FMO3: variants seen among roughly 807,000 people sequenced by gnomAD.
FMO3 encodes flavin-containing monooxygenase 3.
In FMO3, 40 loss-of-function variants were observed where a neutral mutation model predicts 39.4. The ratio of observed to expected loss-of-function variants is 1.02; its 90% CI spans 0.79 to 1.32. FMO3 has a LOEUF of 1.32. FMO3 is among the 40% of genes most tolerant of loss of function. The pLI, the probability that FMO3 is intolerant of heterozygous loss-of-function variation, is 0.00. For synonymous variants in FMO3, 219 were observed against 228.8 expected (o/e 0.96, Z 0.39); for missense variants, 680 against 651.8 (o/e 1.04, Z -0.47).
At chr1:171,100,686 TG>T (rs1284073701) in intron 2 of FMO3, 1 of 163,714 alleles carries the variant, frequency 6.1e-6, no homozygotes, top group Non-Finnish European at 1.4e-5. Context: ...CATGCTGCTA[TG>T]GGTTGAGACT....
At chr1:171,107,518 T>G (rs1374106688) in intron 3 of FMO3, among the ~76,000 whole-genome samples, 157 bp from the exon 4 acceptor site, 2 of 152,194 alleles carry the variant, frequency 1.3e-5, no homozygotes, top group African/African-American at 4.8e-5. Context: ...ACAGATACCA[T>G]TTAGTGTTTT....
chr1:171,099,507 C>A (rs904963472), intron 2 of FMO3, among the ~76,000 whole-genome samples: 3 of 151,996 alleles, frequency 2.0e-5, no homozygotes, highest in African/African-American at 7.2e-5. Context: ...TTTTATCAAG[C>A]ACTTTCTATA....
intron 1 of FMO3, 129 bp from the exon 2 acceptor site, chr1:171,092,524 C>A: frequency 9.3e-7 from 1 of 1,070,976 alleles, no homozygotes; most frequent in African/African-American, 1.6e-5. Context: ...AGCTACCATA[C>A]TCAGCCAGTG....
chr1:171,111,768 G>A (rs906848290), intron 6 of FMO3, among the ~76,000 whole-genome samples: 8 of 152,116 alleles, frequency 5.3e-5, no homozygotes, highest in South Asian at 2.1e-4. Flanking sequence ...TTTATTACAC[G>A]TTTATTATAT....
At chr1:171,114,479 A>G (rs912763847) in intron 7 of FMO3, 117 bp downstream of exon 7, 44 of 772,574 alleles carry the variant, frequency 5.7e-5, no homozygotes, top group Middle Eastern at 3.4e-4. Context: ...GAAAATTTAT[A>G]ATTCTATATT....
chr1:171,102,996 A>AT (rs1220114476), intron 2 of FMO3, among the ~76,000 whole-genome samples: 5 of 152,168 alleles, frequency 3.3e-5, no homozygotes, highest in Non-Finnish European at 4.4e-5. Flanking sequence ...TCTAAGGTTA[A>AT]TTTTTTAAAA....
rs575295688 is a variant in FMO3 at position 171,103,757 on chromosome 1, G to C, written c.133-28G>C. 2.9e-5 allele frequency: 45 copies of C among 1,571,334 alleles called. 1 individual carries two copies. The Middle Eastern group carries it at 2.3e-3, about 82-fold the overall frequency. On this transcript the variant is annotated intron_variant, in intron 2 of 8. Transcript: ENST00000367755. Reference sequence around the variant, plus strand: ...GATCAGTATACTCATTTACCAATTCGCTTCCATTTGATACTATACATTCAC... The same window carrying C: ...GATCAGTATACTCATTTACCAATTCCCTTCCATTTGATACTATACATTCAC...
At chr1:171,093,914 A>G (rs1295376626) in intron 2 of FMO3, among the ~76,000 whole-genome samples, 1 of 134,578 alleles carries the variant, frequency 7.4e-6, no homozygotes, top group Non-Finnish European at 1.5e-5. Flanking sequence ...AGTTCACTGC[A>G]GCCTCCACCT....
chr1:171,112,496 G>A (rs183238447), intron 6 of FMO3, among the ~76,000 whole-genome samples: 19 of 152,234 alleles, frequency 1.2e-4, no homozygotes, highest in Admixed American at 9.2e-4. Flanking sequence ...CTTGAAGGTC[G>A]ACCCAAATAG....
At chr1:171,099,494 C>T (rs138641643) in intron 2 of FMO3, among the ~76,000 whole-genome samples, 253 of 152,102 alleles carry the variant, frequency 1.7e-3, no homozygotes, top group African/African-American at 5.5e-3. Context: ...AAACTTAGGG[C>T]TATTTTATCA....
chr1:171,106,754 G>C (rs1655655773), intron 3 of FMO3, among the ~76,000 whole-genome samples: 1 of 152,048 alleles, frequency 6.6e-6, no homozygotes, highest in South Asian at 2.1e-4. Flanking sequence ...AATATAAAAA[G>C]AGTTAGGCAA....
chr1:171,115,290 G>A (rs772608439), intron 7 of FMO3, among the ~76,000 whole-genome samples: 1 of 152,084 alleles, frequency 6.6e-6, no homozygotes, highest in Non-Finnish European at 1.5e-5. Context: ...TGAGACACAA[G>A]GCAAACAACC....
At chr1:171,094,634 G>A (rs1041842986) in intron 2 of FMO3, among the ~76,000 whole-genome samples, 1 of 151,956 alleles carries the variant, frequency 6.6e-6, no homozygotes, top group Non-Finnish European at 1.5e-5. Flanking sequence ...GAGAGATAGG[G>A]GTCCACTTTC....
intron 5 of FMO3, among the ~76,000 whole-genome samples, chr1:171,109,967 A>AGAAGGG (rs1392020681): frequency 6.6e-6 from 1 of 152,232 alleles, no homozygotes; most frequent in Non-Finnish European, 1.5e-5. Flanking sequence ...TTAGCATAAC[A>AGAAGGG]GAAGGGGAAG....
intron 2 of FMO3, among the ~76,000 whole-genome samples, chr1:171,095,863 A>T (rs1227276813): frequency 1.7e-5 from 2 of 120,850 alleles, no homozygotes; most frequent in Non-Finnish European, 3.3e-5. Flanking sequence ...TATATAATAT[A>T]AATATATATA....
At chr1:171,104,438 G>C (rs1655548580) in intron 3 of FMO3, among the ~76,000 whole-genome samples, 1 of 151,002 alleles carries the variant, frequency 6.6e-6, no homozygotes, top group African/African-American at 2.4e-5. Context: ...TTAAAAATAA[G>C]GTAAGAAAGT....
In FMO3 at chr1:171,111,633, C is replaced by T. The variant is rs146343963; in HGVS notation, c.827+636C>T. 1.4e-3 allele frequency among the ~76,000 whole-genome samples: 219 copies of T among 152,302 alleles called. 1 individual carries two copies. Among genetic ancestry groups the T allele is most frequent in the African/African-American group, 5.1e-3 (210 of 41,568 alleles). ...TTACCAATGCTTGCATCTTCAGTCT[C>T]CTTCCCATCTTCTCCTATAACGTCC... On this transcript the variant is annotated intron_variant, in intron 6 of 8. Coordinates refer to ENST00000367755, the MANE Select transcript of FMO3 (RefSeq NM_001002294.3).
chr1:171,096,186 AAT>A (rs1557933676), intron 2 of FMO3, among the ~76,000 whole-genome samples: 1 of 87,600 alleles, frequency 1.1e-5, no homozygotes, highest in Non-Finnish European at 1.9e-5. Context: ...ATAATATATT[AAT>A]ATATATTTAT....
chr1:171,103,908 A>T lies in FMO3; in HGVS notation c.256A>T (p.Lys86Ter), dbSNP rs1331640570. 2 of 1,613,984 alleles carry T rather than the reference A, an allele frequency of 1.2e-6. No individual in the cohort carries two copies. Among genetic ancestry groups the T allele is most frequent in the South Asian group, 2.2e-5 (2 of 91,086 alleles). ...DDFPNFMHNSKIQEYIIAFAK... is the reference protein window; with the variant it reads ...DDFPNFMHNS ...CTTCCCCAACTTTATGCACAACAGCAAGATCCAGGAATATATCATTGCATT... is the reference window on the plus strand; with the variant it reads ...CTTCCCCAACTTTATGCACAACAGCTAGATCCAGGAATATATCATTGCATT... Residue 86 changes from lysine to a stop codon, truncating the protein, a stop_gained, in exon 3 of 9, where the codon AAG becomes TAG. Transcript: ENST00000367755. LOFTEE classifies it high-confidence loss of function.
Sources: allele counts gnomAD v4.1 joint callset (sites outside exome capture counted in the v4.1 genomes callset), GRCh38; gene constraint gnomAD v4.1.1; transcripts MANE v1.5; gene names NCBI Gene and HGNC (gene_info 2026-07-23, HGNC 2026-07-21).